CNOT11: variants seen among roughly 807,000 people sequenced by gnomAD.
The protein encoded by CNOT11 is CCR4-NOT transcription complex subunit 11.
CNOT11 carries 18 observed loss-of-function variants against 44.6 expected under a neutral mutation model. The observed-to-expected ratio is 0.40, with a 90% CI of 0.28 to 0.60. The LOEUF (loss-of-function observed/expected upper bound fraction) is 0.60. Ranked by LOEUF, CNOT11 falls within the 20% of genes least tolerant of loss-of-function variation. CNOT11 has a pLI of 0.38. For synonymous variants in CNOT11, 291 were observed against 270.9 expected (o/e 1.07, Z -0.73); for missense variants, 513 against 677.0 (o/e 0.76, Z 2.69).
rs1335491577 is a variant in CNOT11 at position 101,264,785 on chromosome 2, G to A, written c.833-60G>A. 59 of 1,294,972 alleles carry A rather than the reference G, an allele frequency of 4.6e-5. No homozygotes were observed. The South Asian group carries it at 5.9e-4, about 13-fold the overall frequency. The allele number at this position is 1,294,972 out of a possible 1,614,324, so 80.2% of individuals were successfully genotyped here. A position where few individuals can be genotyped will look rare whatever the true frequency, so the allele number is the denominator to read the frequency against. Reference sequence around the variant, plus strand: ...TTGCATACTTTATTAAGTGAAATGTGTGAGATGTGTAGAGATGTTAGCTTC... The same window carrying A: ...TTGCATACTTTATTAAGTGAAATGTATGAGATGTGTAGAGATGTTAGCTTC... On this transcript the variant is annotated intron_variant, in intron 3 of 6. Transcript: ENST00000289382.
intron 4 of CNOT11, among the ~76,000 whole-genome samples, chr2:101,266,427 ATAGGAATCAC>A (rs781596369): frequency 3.9e-4 from 59 of 152,170 alleles, no homozygotes; most frequent in Non-Finnish European, 7.8e-4. Flanking sequence ...ATGCCCAGGA[ATAGGAATCAC>A]TAGCATATTT....
intron 4 of CNOT11, among the ~76,000 whole-genome samples, chr2:101,266,052 C>T (rs1019635409): frequency 1.3e-5 from 2 of 151,864 alleles, no homozygotes; most frequent in Non-Finnish European, 2.9e-5. Flanking sequence ...ATTAAGTAGA[C>T]GGGGGAAAAA....
rs751103262 is a variant in CNOT11 at position 101,269,341 on chromosome 2, T to G, written c.1461T>G (p.Ala487=). ...FCIEFSRIRE[A]AGLFRLLKTL... is the part of the protein sequence containing the mutation. ...TTGAATTCAGTAGGATACGAGAAGCTGCTGGTCTTTTCCGGTTGTTGAAGA... is the reference window on the plus strand; with the variant it reads ...TTGAATTCAGTAGGATACGAGAAGCGGCTGGTCTTTTCCGGTTGTTGAAGA... Residue 487 remains alanine, a synonymous_variant, in exon 7 of 7, where the codon GCT becomes GCG. Transcript: ENST00000289382. This position sits in a 1 kb window ranked among gnomAD's most constrained non-coding sequence, Gnocchi z 4.8. The G allele has an allele frequency of 2.4e-5, 38 of 1,614,020 alleles. No homozygotes were observed. Among genetic ancestry groups the G allele is most frequent in the Non-Finnish European group, 3.1e-5 (36 of 1,180,012 alleles).
Position 101,253,540 on chromosome 2 carries a change from G to A in CNOT11, c.514+62G>A. 1 of 1,334,334 alleles carries A rather than the reference G, an allele frequency of 7.5e-7. No individual in the cohort carries two copies. Among genetic ancestry groups the A allele is most frequent in the East Asian group, 2.9e-5 (1 of 34,186 alleles). The allele number at this position is 1,334,334 out of a possible 1,614,324, so 82.7% of individuals were successfully genotyped here. On this transcript the variant is annotated intron_variant, in intron 1 of 6. Transcript: ENST00000289382. The surrounding 1 kb of genome is among the most constrained non-coding windows in gnomAD (Gnocchi z 4.3). ...TTAGATTCCGCAGCTTTCCACCTGC[G>A]CTGCTGGGAACTCACCTGAAAGGGA...
chr2:101,253,687 G>A lies in CNOT11; in HGVS notation c.514+209G>A, dbSNP rs1558765761. ...GAGGTGGTAGCTTAATTGCAAGTTC[G>A]TGACACCGAAAATGATTTCTCTATA... is the stretch of plus-strand genomic sequence containing the variant. On this transcript the variant is annotated intron_variant, in intron 1 of 6. Transcript: ENST00000289382. This position sits in a 1 kb window ranked among gnomAD's most constrained non-coding sequence, Gnocchi z 4.3. Among the ~76,000 whole-genome samples, 1 of 152,154 alleles carries A rather than the reference G, an allele frequency of 6.6e-6. No homozygotes were observed. Among genetic ancestry groups the A allele is most frequent in the Non-Finnish European group, 1.5e-5 (1 of 68,040 alleles).
Position 101,264,989 on chromosome 2 carries a change from T to C in CNOT11, c.977T>C (p.Ile326Thr). 2 of 1,614,124 alleles carry C rather than the reference T, an allele frequency of 1.2e-6. No homozygotes were observed. Among genetic ancestry groups the C allele is most frequent in the Non-Finnish European group, 1.7e-6 (2 of 1,179,988 alleles). Reference protein sequence around the residue: ...MCVKNSTGVEIKRIMAKAFKS... With the variant: ...MCVKNSTGVETKRIMAKAFKS... ...GTTAAGAATAGCACTGGTGTGGAGA[T>C]CAAACGAATAATGGCCAAAGCCTTC... Residue 326 changes from isoleucine to threonine, a missense_variant, in exon 4 of 7, where the codon ATC (isoleucine) becomes ACC (threonine). By Grantham distance (89) the Ile-to-Thr change is moderately conservative. Transcript: ENST00000289382.
chr2:101,254,526 C>G (rs1681696286), intron 1 of CNOT11, among the ~76,000 whole-genome samples: 1 of 152,118 alleles, frequency 6.6e-6, no homozygotes, highest in African/African-American at 2.4e-5. Flanking sequence ...AGGTACTTAA[C>G]CTGCTTCTAA....
Position 101,270,286 on chromosome 2 carries a change from C to T in CNOT11, c.*873C>T, listed in dbSNP as rs1682083574. On this transcript the variant is annotated 3_prime_UTR_variant, in exon 7 of 7. Coordinates refer to ENST00000289382, the MANE Select transcript of CNOT11 (RefSeq NM_017546.5). ...TTTATGTGATTTTGGACAACAGTGC[C>T]TTCCATTAAAGTTCTTTTTATCAAC... 6.6e-6 allele frequency: 1 copy of T among 152,396 alleles called. No individual in the cohort carries two copies. Among genetic ancestry groups the T allele is most frequent in the African/African-American group, 2.4e-5 (1 of 41,346 alleles). The allele number at this position is 152,396 out of a possible 1,614,324, so 9.4% of individuals were successfully genotyped here.
In CNOT11 at chr2:101,269,402, A is replaced by G; in HGVS notation, c.1522A>G (p.Met508Val). ...TGGGGAAACACCTTCTGAGACCAAA[A>G]TGTCAAAATAATACCTCATCAGAAC... is the stretch of plus-strand genomic sequence containing the variant. The part of the protein sequence containing the change: ...DTGETPSETK[M>V]SK Residue 508 changes from methionine to valine, a missense_variant, in exon 7 of 7, where the codon ATG (methionine) becomes GTG (valine). This residue lies in a region of CNOT11 where 87 missense variants were observed against 185.4 expected (regional missense o/e 0.47). Transcript: ENST00000289382. This position sits in a 1 kb window ranked among gnomAD's most constrained non-coding sequence, Gnocchi z 4.8. The G allele has an allele frequency of 6.2e-7, 1 of 1,614,018 alleles. No homozygotes were observed. The highest frequency in any genetic ancestry group is 1.1e-5 in the South Asian group (1 of 91,084).
chr2:101,257,393 CAAAA>C (rs574971165), intron 1 of CNOT11, among the ~76,000 whole-genome samples: 286 of 74,410 alleles, frequency 3.8e-3, no homozygotes, highest in Middle Eastern at 0.021. Context: ...GACTTCATCT[CAAAA>C]AAAAAAAAAA....
At chr2:101,267,371 C>T (rs982641250) in intron 5 of CNOT11, among the ~76,000 whole-genome samples, 11 of 152,188 alleles carry the variant, frequency 7.2e-5, no homozygotes, top group Non-Finnish European at 1.5e-4. Context: ...GATCTGCCCA[C>T]CTCAGCCTCC....
intron 1 of CNOT11, among the ~76,000 whole-genome samples, chr2:101,254,411 G>C (rs1463607258): frequency 6.6e-6 from 1 of 152,160 alleles, no homozygotes; most frequent in Non-Finnish European, 1.5e-5. Context: ...TTTCTAGTTA[G>C]TGTTCCTGCC....
At chr2:101,266,394 C>T (rs1050090039) in intron 4 of CNOT11, among the ~76,000 whole-genome samples, 2 of 151,958 alleles carry the variant, frequency 1.3e-5, no homozygotes, top group Non-Finnish European at 2.9e-5. Context: ...TTTATCTGAC[C>T]AGACAGTGTG....
Position 101,269,333 on chromosome 2 carries a change from C to A in CNOT11, c.1453C>A (p.Arg485=). The A allele has an allele frequency of 6.2e-7, 1 of 1,613,818 alleles. No homozygotes were observed. Among genetic ancestry groups the A allele is most frequent in the Non-Finnish European group, 8.5e-7 (1 of 1,179,962 alleles). Residue 485 remains arginine, a synonymous_variant, in exon 7 of 7, where the codon CGA becomes AGA. Coordinates refer to ENST00000289382, the MANE Select transcript of CNOT11 (RefSeq NM_017546.5). This position sits in a 1 kb window ranked among gnomAD's most constrained non-coding sequence, Gnocchi z 4.8. ...ATTCTGTATTGAATTCAGTAGGATA[C>A]GAGAAGCTGCTGGTCTTTTCCGGTT... ...QAFCIEFSRI[R]EAAGLFRLLK...
chr2:101,253,497 T>G lies in CNOT11; in HGVS notation c.514+19T>G. On this transcript the variant is annotated intron_variant, in intron 1 of 6. Coordinates refer to ENST00000289382, the MANE Select transcript of CNOT11 (RefSeq NM_017546.5). The surrounding 1 kb of genome is among the most constrained non-coding windows in gnomAD (Gnocchi z 4.3). ...CTCTCAGGTACCTCCTGAAGCCAGC[T>G]GTGCCGTGTGGATAGCGTTAGATTC... The G allele has an allele frequency of 1.4e-6, 2 of 1,434,494 alleles. No individual in the cohort carries two copies. The highest frequency in any genetic ancestry group is 1.8e-6 in the Non-Finnish European group (2 of 1,102,404). 88.9% of individuals were successfully genotyped at this position (1,434,494 alleles called of 1,614,324 possible). A position where few individuals can be genotyped will look rare whatever the true frequency, so the allele number is the denominator to read the frequency against.
intron 2 of CNOT11, among the ~76,000 whole-genome samples, chr2:101,258,395 CAATAAATAAATAAATAAATA>C (rs58613763): frequency 5.5e-5 from 8 of 144,616 alleles, no homozygotes; most frequent in African/African-American, 1.8e-4. Flanking sequence ...GACTCCATCT[CAATAAATAAATAAATAAATA>C]AATAAATAAA....
At position 101,269,177 on chromosome 2, in the gene CNOT11, A is replaced by G; in HGVS notation, c.1336-39A>G. 6.2e-7 allele frequency: 1 copy of G among 1,603,522 alleles called. No individual in the cohort carries two copies. The highest frequency in any genetic ancestry group is 8.5e-7 in the Non-Finnish European group (1 of 1,174,658). On this transcript the variant is annotated intron_variant, in intron 6 of 6. Transcript: ENST00000289382. The surrounding 1 kb of genome is among the most constrained non-coding windows in gnomAD (Gnocchi z 4.8). ...GTAAATTTTATAAATGGCTGCCAGG[A>G]AAATGAGCAGACTAACATTTTTTTT...
intron 1 of CNOT11, among the ~76,000 whole-genome samples, chr2:101,255,560 G>T (rs2104360855): frequency 6.6e-6 from 1 of 152,234 alleles, no homozygotes; most frequent in Admixed American, 6.5e-5. Context: ...GGTAGGGATG[G>T]TGTGTAGATA....
chr2:101,254,916 T>C (rs1189875699), intron 1 of CNOT11, among the ~76,000 whole-genome samples: 2 of 152,030 alleles, frequency 1.3e-5, no homozygotes, highest in East Asian at 3.9e-4. Context: ...TATTAGAGGA[T>C]TGGGACACTG....
Sources: allele counts gnomAD v4.1 joint callset (sites outside exome capture counted in the v4.1 genomes callset), GRCh38; gene constraint gnomAD v4.1.1; regional missense constraint gnomAD v4.1.1; non-coding constraint Gnocchi (gnomAD v3.1); transcripts MANE v1.5; gene names NCBI Gene and HGNC (gene_info 2026-07-23, HGNC 2026-07-21).